Variants in FAM32A observed in about 807,000 individuals in gnomAD.
FAM32A encodes the protein family with sequence similarity 32 member A.
A neutral mutation model predicts 15.8 loss-of-function variants in FAM32A; 9 were observed. The observed-to-expected ratio is 0.57, with a 90% confidence interval of 0.34 to 1.00. FAM32A has a LOEUF of 1.00. Ranked by LOEUF, FAM32A falls within the 50% of genes least tolerant of loss-of-function variation. The probability of loss-of-function intolerance (pLI) is 0.02; values close to 1 mark genes in which losing one functional copy is unlikely to be tolerated. For missense variants in FAM32A, 113 were observed against 138.3 expected (o/e 0.82, Z 0.92); for synonymous variants, 64 against 54.9 (o/e 1.16, Z -0.73).
In FAM32A at chr19:16,191,747, T is replaced by A. The variant is rs2091408205; in HGVS notation, c.*792T>A. On this transcript the variant is annotated 3_prime_UTR_variant, in exon 4 of 4. Transcript: ENST00000263384. ...ACTCAGAGTTGACACATCACACAGA[T>A]CCTGTTTGGCATTCCTACCTTACGG... The A allele has an allele frequency of 6.6e-6, 1 of 152,256 alleles. No homozygotes were observed. Among genetic ancestry groups the A allele is most frequent in the Non-Finnish European group, 1.5e-5 (1 of 68,088 alleles). The allele number at this position is 152,256 out of a possible 1,614,324, so 9.4% of individuals were successfully genotyped here.
intron 2 of FAM32A, among the ~76,000 whole-genome samples, chr19:16,188,284 A>G (rs1224499994): frequency 6.6e-6 from 1 of 152,216 alleles, no homozygotes; most frequent in Non-Finnish European, 1.5e-5. Context: ...CTGGGAAAGA[A>G]AGAAGAGTCA....
At chr19:16,187,903 GC>G (rs2091392030) in intron 2 of FAM32A, among the ~76,000 whole-genome samples, 1 of 151,792 alleles carries the variant, frequency 6.6e-6, no homozygotes, top group Admixed American at 6.6e-5. Flanking sequence ...CCACCACCAT[GC>G]CCAGCTAATT....
At chr19:16,189,668 CTTTTTTTTTTTT>C (rs71178652) in intron 2 of FAM32A, among the ~76,000 whole-genome samples, 13 of 58,554 alleles carry the variant, frequency 2.2e-4, no homozygotes, top group African/African-American at 4.7e-4. Context: ...CACTCCAACT[CTTTTTTTTTTTT>C]TTTTTTTTTT....
intron 3 of FAM32A, 58 bp from the exon 4 acceptor site, chr19:16,190,829 C>G: frequency 1.4e-6 from 2 of 1,435,092 alleles, no homozygotes; most frequent in Non-Finnish European, 9.8e-7. Flanking sequence ...AGTGCCACTT[C>G]TCCCCAGTAC....
In FAM32A at chr19:16,191,002, A is replaced by T. The variant is rs368543360; in HGVS notation, c.*47A>T. ...CAGCATCGAGGGTTCGCAAAAGGCC[A>T]CACTGGGGTTGTGTGTGTTTCCTTT... On this transcript the variant is annotated 3_prime_UTR_variant, in exon 4 of 4. Transcript: ENST00000263384. 46 of 1,411,356 alleles carry T rather than the reference A, an allele frequency of 3.3e-5. No homozygotes were observed. The African/African-American group carries it at 4.8e-4, about 15-fold the overall frequency. The allele number at this position is 1,411,356 out of a possible 1,614,324, so 87.4% of individuals were successfully genotyped here.
intron 2 of FAM32A, chr19:16,186,777 C>G (rs1020131900): frequency 5.9e-5 from 9 of 152,226 alleles, no homozygotes; most frequent in Admixed American, 2.0e-4. Flanking sequence ...GTCTCCACCC[C>G]CCTAAACTCC....
chr19:16,191,107 C>T lies in FAM32A; in HGVS notation c.*152C>T, dbSNP rs1379894252. ...CTTTTCGAAGCTGTGTACCCTCATT[C>T]TGGAACTTGATTAAAGTAAGATCGT... is the stretch of plus-strand genomic sequence containing the variant. On this transcript the variant is annotated 3_prime_UTR_variant, in exon 4 of 4. Transcript: ENST00000263384. 9.1e-6 allele frequency: 6 copies of T among 658,848 alleles called. No homozygotes were observed. Among genetic ancestry groups the T allele is most frequent in the Non-Finnish European group, 1.7e-5 (6 of 362,994 alleles). The allele number at this position is 658,848 out of a possible 1,614,324, so 40.8% of individuals were successfully genotyped here. A position where few individuals can be genotyped will look rare whatever the true frequency, so the allele number is the denominator to read the frequency against.
Position 16,191,727 on chromosome 19 carries a change from G to C in FAM32A, c.*772G>C, listed in dbSNP as rs1371432352. On this transcript the variant is annotated 3_prime_UTR_variant, in exon 4 of 4. Coordinates refer to ENST00000263384, the MANE Select transcript of FAM32A (RefSeq NM_014077.4). Reference sequence around the variant, plus strand: ...CCTAGCAGCCTCTTGTATTTACTCAGAGTTGACACATCACACAGATCCTGT... The same window carrying C: ...CCTAGCAGCCTCTTGTATTTACTCACAGTTGACACATCACACAGATCCTGT... 1 of 152,360 alleles carries C rather than the reference G, an allele frequency of 6.6e-6. No individual in the cohort carries two copies. Among genetic ancestry groups the C allele is most frequent in the East Asian group, 1.9e-4 (1 of 5,198 alleles). 9.4% of individuals were successfully genotyped at this position (152,360 alleles called of 1,614,324 possible). A position where few individuals can be genotyped will look rare whatever the true frequency, so the allele number is the denominator to read the frequency against.
Position 16,185,424 on chromosome 19 carries a change from C to A in FAM32A, c.-19C>A. 3 of 1,549,642 alleles carry A rather than the reference C, an allele frequency of 1.9e-6. No individual in the cohort carries two copies. Among genetic ancestry groups the A allele is most frequent in the South Asian group, 2.4e-5 (2 of 84,092 alleles). ...ACAGGAAGTGTGGCACTCCAGCTAC[C>A]GAAGCACTGGAGAGTGTCATGGAGG... is the stretch of plus-strand genomic sequence containing the variant. On this transcript the variant is annotated 5_prime_UTR_variant, in exon 1 of 4. Coordinates refer to ENST00000263384, the MANE Select transcript of FAM32A (RefSeq NM_014077.4).
rs1318795435 is a variant in FAM32A, at chr19:16,185,502, G to T, written c.60G>T (p.Leu20=). ...GPLKLKGVAE[L]GVTKRKKKKK... ...TGAAGCTGAAAGGCGTCGCAGAGCT[G>T]GGAGTGACCAAGCGGTGAGGCCCGA... The change falls in exon 1 of 4, where the codon CTG becomes CTT. Residue 20 remains leucine (L), a synonymous_variant. Transcript: ENST00000263384. 4 of 1,565,716 alleles carry T rather than the reference G, an allele frequency of 2.6e-6. No homozygotes were observed. The East Asian group carries it at 9.4e-5, about 37-fold the overall frequency.
chr19:16,185,811 C>T, intron 2 of FAM32A, 46 bp downstream of exon 2: 1 of 1,535,798 alleles, frequency 6.5e-7, no homozygotes, highest in South Asian at 1.2e-5. Flanking sequence ...CACCCGGCGC[C>T]GGGAGACTGG....
At chr19:16,190,746 G>A in intron 3 of FAM32A, 141 bp from the exon 4 acceptor site, 1 of 874,234 alleles carries the variant, frequency 1.1e-6, no homozygotes, top group South Asian at 1.4e-5. Context: ...TCAGGAGTCT[G>A]TAAGACCTGG....
chr19:16,190,629 C>T, intron 3 of FAM32A, 56 bp downstream of exon 3: 1 of 1,367,910 alleles, frequency 7.3e-7, no homozygotes, highest in Non-Finnish European at 1.0e-6. Flanking sequence ...CAGCTGGGCC[C>T]AGAGGCTATC....
At chr19:16,185,563 C>A in intron 1 of FAM32A, 47 bp downstream of exon 1, 1 of 1,580,252 alleles carries the variant, frequency 6.3e-7, no homozygotes, top group Non-Finnish European at 8.6e-7. Context: ...CCCCTTAGAC[C>A]TTTTCTCGGG....
Position 16,191,167 on chromosome 19 carries a change from A to G in FAM32A, c.*212A>G, listed in dbSNP as rs2091404916. On this transcript the variant is annotated 3_prime_UTR_variant, in exon 4 of 4. Transcript: ENST00000263384. ...CAGTTTAGGCTTCTTGGCAACATACAGAAGATACACCCTTTTCGTTTGGAT... is the reference window on the plus strand; with the variant it reads ...CAGTTTAGGCTTCTTGGCAACATACGGAAGATACACCCTTTTCGTTTGGAT... The G allele has an allele frequency of 1.7e-6, 1 of 572,860 alleles. No homozygotes were observed. The allele number at this position is 572,860 out of a possible 1,614,324, so 35.5% of individuals were successfully genotyped here.
At chr19:16,190,416 T>G (rs891379786) in intron 2 of FAM32A, 104 bp from the exon 3 acceptor site, 1 of 761,078 alleles carries the variant, frequency 1.3e-6, no homozygotes, top group Admixed American at 2.2e-5. Flanking sequence ...CCTCCAGCTG[T>G]TCTAAATGTG....
intron 2 of FAM32A, among the ~76,000 whole-genome samples, chr19:16,187,974 G>T (rs1389474149): frequency 1.3e-5 from 2 of 152,000 alleles, no homozygotes; most frequent in East Asian, 1.9e-4. Flanking sequence ...TCGCTCTCCT[G>T]ACCTCAAGTG....
intron 3 of FAM32A, 43 bp downstream of exon 3, chr19:16,190,616 TC>T: frequency 6.6e-7 from 1 of 1,518,126 alleles, no homozygotes; most frequent in South Asian, 1.1e-5. Context: ...CCATTCAGGG[TC>T]CCAGCTGGGC....
Position 16,190,034 on chromosome 19 carries a change from A to G in FAM32A, c.217-486A>G, listed in dbSNP as rs2091400014. On this transcript the variant is annotated intron_variant, in intron 2 of 3. Transcript: ENST00000263384. ...TCATTGAGTGTTTGAAGTGAGGATCAGAGCAGGTCATGGTGCAGGAGGCAT... is the reference window on the plus strand; with the variant it reads ...TCATTGAGTGTTTGAAGTGAGGATCGGAGCAGGTCATGGTGCAGGAGGCAT... 1.3e-5 allele frequency among the ~76,000 whole-genome samples: 2 copies of G among 152,156 alleles called. 1 individual carries two copies. The highest frequency in any genetic ancestry group is 4.1e-4 in the South Asian group (2 of 4,832).
Sources: gnomAD v4.1 joint callset for allele counts (sites outside exome capture counted in the v4.1 genomes callset) on GRCh38, gnomAD v4.1.1 for gene constraint, MANE v1.5 for transcripts, NCBI Gene and HGNC (gene_info 2026-07-23, HGNC 2026-07-21) for gene names.